CORO2B: variants seen among roughly 807,000 people sequenced by gnomAD.
The protein encoded by CORO2B is coronin-2B.
CORO2B carries 26 observed loss-of-function variants against 58.8 expected under a neutral mutation model. That is an observed-to-expected ratio of 0.44 (90% CI 0.32 to 0.61). CORO2B has a LOEUF of 0.61. Among genes scored for constraint, CORO2B ranks in the 20% least tolerant of loss-of-function variants. The pLI is 0.04. For synonymous variants in CORO2B, 242 were observed against 253.8 expected (o/e 0.95, Z 0.44); for missense variants, 460 against 645.1 (o/e 0.71, Z 3.11).
At chr15:68,658,300 T>TGGA (rs10627263) in intron 2 of CORO2B, among the ~76,000 whole-genome samples, 151,754 of 152,120 alleles carry the variant, frequency 1, 75,695 homozygotes, top group Middle Eastern at 1. Flanking sequence ...AATTGTTCAA[T>TGGA]GGAGGAGGAG....
At chr15:68,592,118 C>G (rs996226902) in intron 1 of CORO2B, among the ~76,000 whole-genome samples, 1 of 152,158 alleles carries the variant, frequency 6.6e-6, no homozygotes, top group Non-Finnish European at 1.5e-5. Context: ...TCTCCTTCTG[C>G]GCCGTGTCCT....
At chr15:68,671,777 G>A (rs956978077) in intron 2 of CORO2B, among the ~76,000 whole-genome samples, 1 of 152,218 alleles carries the variant, frequency 6.6e-6, no homozygotes, top group Non-Finnish European at 1.5e-5. Context: ...ATCCAGGTGA[G>A]AGCAAGAGAG....
At chr15:68,652,106 A>G (rs559997668) in intron 2 of CORO2B, among the ~76,000 whole-genome samples, 2 of 152,270 alleles carry the variant, frequency 1.3e-5, no homozygotes, top group African/African-American at 4.8e-5. Context: ...CAGCTCACTT[A>G]TTTCTGAATC....
the CORO2B span, among the ~76,000 whole-genome samples, chr15:68,518,517 C>T: frequency 6.6e-6 from 1 of 152,096 alleles, no homozygotes; most frequent in Non-Finnish European, 1.5e-5. Flanking sequence ...CTTCTCCCTA[C>T]TCTCTTCTCT....
the CORO2B span, among the ~76,000 whole-genome samples, chr15:68,542,341 T>G: frequency 1.3e-5 from 2 of 152,250 alleles, no homozygotes. Flanking sequence ...TTTCCCTACA[T>G]TTCAAGTAAT....
chr15:68,575,585 C>CCCCCT (rs1483974569), upstream of CORO2B, among the ~76,000 whole-genome samples: 2 of 107,858 alleles, frequency 1.9e-5, no homozygotes, highest in African/African-American at 6.0e-5. Flanking sequence ...CTGCCCCCGC[C>CCCCCT]TCGGCCTCCC....
chr15:68,563,240 C>A, the CORO2B span, among the ~76,000 whole-genome samples: 9 of 152,074 alleles, frequency 5.9e-5, no homozygotes, highest in East Asian at 1.7e-3. Flanking sequence ...ATAATCCCAG[C>A]ACTTTGGGAG....
chr15:68,723,137 T>A (rs1465680482), intron 11 of CORO2B, among the ~76,000 whole-genome samples: 1 of 140,704 alleles, frequency 7.1e-6, no homozygotes, highest in East Asian at 2.0e-4. Context: ...TTTTTTTTTT[T>A]TTTAGACAGA....
the CORO2B span, among the ~76,000 whole-genome samples, chr15:68,544,926 A>G: frequency 6.6e-6 from 1 of 151,996 alleles, no homozygotes; most frequent in Non-Finnish European, 1.5e-5. Flanking sequence ...ACAGGCGCCC[A>G]CCATCATGCC....
At chr15:68,723,523 C>T (rs536284820) in intron 11 of CORO2B, among the ~76,000 whole-genome samples, 27 of 145,364 alleles carry the variant, frequency 1.9e-4, no homozygotes, top group African/African-American at 6.6e-4. Context: ...GGCATGATCT[C>T]GGCTCACTGC....
chr15:68,701,716 C>T (rs981012766), intron 3 of CORO2B, among the ~76,000 whole-genome samples: 2 of 151,974 alleles, frequency 1.3e-5, no homozygotes, highest in Non-Finnish European at 2.9e-5. Context: ...AATCTCCTGA[C>T]CTCGTGATCT....
the CORO2B span, among the ~76,000 whole-genome samples, chr15:68,554,158 CAG>C: frequency 7.2e-5 from 11 of 152,202 alleles, no homozygotes; most frequent in Middle Eastern, 6.8e-3. Flanking sequence ...TATGGGGAGA[CAG>C]AGAGGAACCA....
chr15:68,589,739 G>A (rs764287923), intron 1 of CORO2B, among the ~76,000 whole-genome samples: 3 of 152,336 alleles, frequency 2.0e-5, no homozygotes, highest in Middle Eastern at 6.8e-3. Flanking sequence ...TTCCAGAAAG[G>A]AGACTTTGAG....
At chr15:68,544,411 T>C in the CORO2B span, among the ~76,000 whole-genome samples, 1 of 152,134 alleles carries the variant, frequency 6.6e-6, no homozygotes, top group Non-Finnish European at 1.5e-5. Flanking sequence ...AGCGACTCAC[T>C]AAGATTCATC....
At chr15:68,570,825 T>TTC in the CORO2B span, among the ~76,000 whole-genome samples, 1 of 147,590 alleles carries the variant, frequency 6.8e-6, no homozygotes, top group Non-Finnish European at 1.5e-5. Flanking sequence ...TTTTTTTTTT[T>TTC]AGAGACTGGG....
chr15:68,624,448 G>A (rs767217155), intron 1 of CORO2B, among the ~76,000 whole-genome samples: 1 of 152,090 alleles, frequency 6.6e-6, no homozygotes, highest in Non-Finnish European at 1.5e-5. Context: ...AATAACAATC[G>A]TGATCAGCAC....
the CORO2B span, among the ~76,000 whole-genome samples, chr15:68,568,592 A>G: frequency 2.0e-5 from 3 of 152,150 alleles, no homozygotes; most frequent in Non-Finnish European, 4.4e-5. Flanking sequence ...ACATAATAGT[A>G]CCAATCCCTT....
intron 1 of CORO2B, among the ~76,000 whole-genome samples, chr15:68,628,548 G>T (rs927803105): frequency 4.6e-5 from 7 of 152,202 alleles, no homozygotes; most frequent in African/African-American, 1.7e-4. Flanking sequence ...AATAGAAACA[G>T]GTGAGTCAAG....
At chr15:68,614,083 G>C (rs1013949631) in intron 1 of CORO2B, among the ~76,000 whole-genome samples, 1 of 152,170 alleles carries the variant, frequency 6.6e-6, no homozygotes, top group African/African-American at 2.4e-5. Flanking sequence ...TTGTTAAAAT[G>C]CGGATTCTTG....
Sources: allele counts gnomAD v4.1 joint callset (sites outside exome capture counted in the v4.1 genomes callset), GRCh38; gene constraint gnomAD v4.1.1; transcripts MANE v1.5; gene names NCBI Gene and HGNC (gene_info 2026-07-23, HGNC 2026-07-21).